Variants in TRAT1 observed in about 807,000 individuals in gnomAD.
The protein encoded by TRAT1 is T-cell receptor-associated transmembrane adapter 1.
Under a neutral mutation model 20.0 loss-of-function variants are expected in TRAT1, and 20 were observed. That is an observed-to-expected ratio of 1.00 (90% CI 0.70 to 1.45). The LOEUF (loss-of-function observed/expected upper bound fraction) is 1.45, where lower values mean the gene tolerates loss of function less well. TRAT1 is among the 40% of genes most tolerant of loss of function. TRAT1 has a pLI of 0.00. For missense variants in TRAT1, 237 were observed against 224.1 expected, an observed-to-expected ratio of 1.06 and a Z score of -0.37; for synonymous variants, 77 against 74.2, an observed-to-expected ratio of 1.04 and a Z score of -0.20.
intron 2 of TRAT1, among the ~76,000 whole-genome samples, chr3:108,837,090 G>A (rs1945848002): frequency 6.6e-6 from 1 of 152,000 alleles, no homozygotes; most frequent in Admixed American, 6.6e-5. Flanking sequence ...ACATTTCTCA[G>A]GTTTTTTGAT....
chr3:108,847,485 A>G (rs1325027337), intron 4 of TRAT1: 2 of 194,856 alleles, frequency 1.0e-5, no homozygotes, highest in Non-Finnish European at 2.1e-5. Flanking sequence ...TTTGTGCTCA[A>G]TATACAAAAG....
chr3:108,838,350 GATA>G lies in TRAT1; in HGVS notation c.119-583_119-581del, dbSNP rs1263663162. 5.6e-4 allele frequency among the ~76,000 whole-genome samples: 21 copies of G among 37,240 alleles called. 1 individual carries two copies. The African/African-American group carries it at 7.7e-3, about 14-fold the overall frequency. 24.4% of individuals were successfully genotyped at this position (37,240 alleles called of 152,430 possible). ...GATAGATAGATAGATGATAGATATA[GATA>G]GATGATAGATAGATAGATAGATAGA... On this transcript the variant is annotated intron_variant, in intron 2 of 5. Transcript: ENST00000295756.
intron 1 of TRAT1, among the ~76,000 whole-genome samples, chr3:108,824,026 C>T (rs1341532172): frequency 3.9e-5 from 6 of 152,136 alleles, no homozygotes; most frequent in Admixed American, 3.3e-4. Flanking sequence ...CGCGTGCCAC[C>T]ACGCCTGGCT....
intron 2 of TRAT1, among the ~76,000 whole-genome samples, chr3:108,833,970 A>G (rs1475940404): frequency 2.0e-5 from 3 of 152,096 alleles, no homozygotes; most frequent in Non-Finnish European, 4.4e-5. Context: ...ATGTCATCCC[A>G]TGTAATTTTC....
intron 5 of TRAT1, among the ~76,000 whole-genome samples, chr3:108,849,778 C>T (rs2922117): frequency 2.6e-5 from 4 of 152,030 alleles, no homozygotes; most frequent in African/African-American, 4.8e-5. Context: ...TTTATGTGGA[C>T]GTAGGCAGGA....
rs373166266 is a variant in TRAT1 at position 108,853,720 on chromosome 3, A to G, written c.404A>G (p.Asp135Gly). ...RKQNTHFSDK[D>G]GDEQLHAIDA... ...CAGAATACTCATTTCTCAGACAAGGATGGAGATGAGCAACTACATGCAATA... is the reference window on the plus strand; with the variant it reads ...CAGAATACTCATTTCTCAGACAAGGGTGGAGATGAGCAACTACATGCAATA... The change falls in exon 6 of 6, where the codon GAT becomes GGT. Residue 135 changes from aspartate (D) to glycine (G), a missense_variant. Physicochemically the swap from Asp to Gly is moderately conservative, Grantham distance 94. Coordinates refer to ENST00000295756, the MANE Select transcript of TRAT1 (RefSeq NM_016388.4). 2 of 1,614,186 alleles carry G rather than the reference A, an allele frequency of 1.2e-6. No homozygotes were observed. The highest frequency in any genetic ancestry group is 1.7e-5 in the Admixed American group (1 of 60,016).
At chr3:108,848,286 A>G (rs1945965758) in intron 4 of TRAT1, among the ~76,000 whole-genome samples, 1 of 152,176 alleles carries the variant, frequency 6.6e-6, no homozygotes, top group Non-Finnish European at 1.5e-5. Context: ...ATGGACCATG[A>G]TTTGAGAAAC....
In TRAT1 at chr3:108,839,280, T is replaced by C. The variant is rs1576521585; in HGVS notation, c.152+313T>C. The C allele has an allele frequency of 1.2e-5, 4 of 321,998 alleles. No homozygotes were observed. The Admixed American group carries it at 2.0e-4, about 16-fold the overall frequency. The allele number at this position is 321,998 out of a possible 1,614,324, so 19.9% of individuals were successfully genotyped here. A position where few individuals can be genotyped will look rare whatever the true frequency, so the allele number is the denominator to read the frequency against. ...ATTATGATCCAGCTTAGATACAGAA[T>C]TGTGCTACACTTCAAAATCCATAGT... On this transcript the variant is annotated intron_variant, in intron 3 of 5. Transcript: ENST00000295756.
Position 108,829,586 on chromosome 3 carries a change from A to AACACACACACACACACACACAC in TRAT1, c.8-1074_8-1053dup, listed in dbSNP as rs144318236. Among the ~76,000 whole-genome samples the AACACACACACACACACACACAC allele has an allele frequency of 3.4e-3, 486 of 142,532 alleles. 2 individuals carry two copies. Among genetic ancestry groups the AACACACACACACACACACACAC allele is most frequent in the African/African-American group, 7.8e-3 (299 of 38,220 alleles). The allele number at this position is 142,532 out of a possible 152,430, so 93.5% of individuals were successfully genotyped here. ...GCGAAAGAGCAAGACTCCATCTCAA[A>AACACACACACACACACACACAC]ACACACACACACACACACACACACA... On this transcript the variant is annotated intron_variant, in intron 1 of 5. Coordinates refer to ENST00000295756, the MANE Select transcript of TRAT1 (RefSeq NM_016388.4).
intron 3 of TRAT1, among the ~76,000 whole-genome samples, chr3:108,846,733 C>G (rs539175941): frequency 6.6e-6 from 1 of 152,100 alleles, no homozygotes; most frequent in Non-Finnish European, 1.5e-5. Flanking sequence ...TGATATAGTA[C>G]CTATGTTGGA....
Position 108,847,102 on chromosome 3 carries a change from T to C in TRAT1, c.187T>C (p.Tyr63His). ...GTATTATATTGAAGACACACCAATT[T>C]ATGGTAACTTAGATGATATGATTTC... ...DEYYIEDTPI[Y>H]GNLDDMISEP... The change falls in exon 4 of 6, where the codon TAT becomes CAT. Residue 63 changes from tyrosine to histidine, a missense_variant. Coordinates refer to ENST00000295756, the MANE Select transcript of TRAT1 (RefSeq NM_016388.4). The C allele has an allele frequency of 6.5e-7, 1 of 1,544,034 alleles. No homozygotes were observed. The highest frequency in any genetic ancestry group is 8.9e-7 in the Non-Finnish European group (1 of 1,125,408).
At chr3:108,831,554 T>C (rs1048421214) in intron 2 of TRAT1, among the ~76,000 whole-genome samples, 19 of 151,814 alleles carry the variant, frequency 1.3e-4, no homozygotes, top group African/African-American at 4.4e-4. Flanking sequence ...TTTTTTTTTT[T>C]TTTGAGACAG....
At position 108,854,110 on chromosome 3, in the gene TRAT1, A is replaced by G. The variant is rs1438708379; in HGVS notation, c.*233A>G. On this transcript the variant is annotated 3_prime_UTR_variant, in exon 6 of 6. Coordinates refer to ENST00000295756, the MANE Select transcript of TRAT1 (RefSeq NM_016388.4). ...AATGCTTTACTACTAAAATGTAAAA[A>G]ATTAATGTGCTCACCTCGGCAGCAC... 2.3e-6 allele frequency: 1 copy of G among 434,800 alleles called. No homozygotes were observed. The highest frequency in any genetic ancestry group is 4.1e-6 in the Non-Finnish European group (1 of 243,434). 26.9% of individuals were successfully genotyped at this position (434,800 alleles called of 1,614,324 possible). A position where few individuals can be genotyped will look rare whatever the true frequency, so the allele number is the denominator to read the frequency against.
At chr3:108,834,376 C>A (rs1945820740) in intron 2 of TRAT1, among the ~76,000 whole-genome samples, 1 of 152,216 alleles carries the variant, frequency 6.6e-6, no homozygotes, top group South Asian at 2.1e-4. Context: ...CCCAACTTCT[C>A]CTAACATCTT....
chr3:108,829,629 G>A (rs895494821), intron 1 of TRAT1, among the ~76,000 whole-genome samples: 1 of 66,800 alleles, frequency 1.5e-5, no homozygotes. Flanking sequence ...CGTTTTGGTC[G>A]ATGATTGACC....
intron 4 of TRAT1, among the ~76,000 whole-genome samples, chr3:108,848,436 C>T (rs1229618239): frequency 1.3e-5 from 2 of 152,200 alleles, no homozygotes; most frequent in Admixed American, 1.3e-4. Context: ...GGTTACTGGC[C>T]ATCCTATGAG....
At chr3:108,828,349 G>T (rs773254368) in intron 1 of TRAT1, among the ~76,000 whole-genome samples, 2 of 152,014 alleles carry the variant, frequency 1.3e-5, no homozygotes, top group Non-Finnish European at 2.9e-5. Context: ...CAGAAAAAGG[G>T]GTATTAGAAA....
Position 108,838,934 on chromosome 3 carries a change from A to G in TRAT1, c.119A>G (p.Asp40Gly). Residue 40 changes from aspartate to glycine, a missense_variant and splice_region_variant, in exon 3 of 6, where the codon GAT becomes GGT. Coordinates refer to ENST00000295756, the MANE Select transcript of TRAT1 (RefSeq NM_016388.4). The part of the protein sequence containing the change: ...ISHYVEKQRQ[D>G]KMYSYSSDHT... ...CTTGTCTATTTTGAATATCTTTCAG[A>G]TAAAATGTACAGCTACTCCAGTGAC... 6.2e-7 allele frequency: 1 copy of G among 1,605,066 alleles called. No individual in the cohort carries two copies. The highest frequency in any genetic ancestry group is 8.5e-7 in the Non-Finnish European group (1 of 1,171,762).
At chr3:108,842,786 G>C (rs2107512963) in intron 3 of TRAT1, among the ~76,000 whole-genome samples, 1 of 152,272 alleles carries the variant, frequency 6.6e-6, no homozygotes, top group African/African-American at 2.4e-5. Context: ...CTTTTCAAGT[G>C]CTCTAAAGCA....
Sources: gnomAD v4.1 joint callset for allele counts (sites outside exome capture counted in the v4.1 genomes callset) on GRCh38, gnomAD v4.1.1 for gene constraint, MANE v1.5 for transcripts, NCBI Gene and HGNC (gene_info 2026-07-23, HGNC 2026-07-21) for gene names.